The following NKAIN3 variants were observed in gnomAD, a reference collection of about 807,000 sequenced individuals.
NKAIN3 encodes the protein sodium/potassium transporting ATPase interacting 3.
A neutral mutation model predicts 30.2 loss-of-function variants in NKAIN3; 25 were observed. That is an observed-to-expected ratio of 0.83 (90% CI 0.60 to 1.16). NKAIN3 has a LOEUF of 1.16. NKAIN3 is among the 50% of genes most tolerant of loss of function. NKAIN3 has a pLI of 0.00. For synonymous variants in NKAIN3, 91 were observed against 89.6 expected (o/e 1.02, Z -0.09); for missense variants, 225 against 254.1 (o/e 0.89, Z 0.78).
intron 4 of NKAIN3, among the ~76,000 whole-genome samples, chr8:62,814,130 G>A (rs1011143598): frequency 6.6e-6 from 1 of 151,844 alleles, no homozygotes; most frequent in African/African-American, 2.4e-5. Context: ...AACTTCTTTG[G>A]ATTGAATTTA....
At chr8:62,875,207 A>T (rs1485050200) in intron 4 of NKAIN3, among the ~76,000 whole-genome samples, 1 of 152,210 alleles carries the variant, frequency 6.6e-6, no homozygotes, top group East Asian at 1.9e-4. Context: ...CCAAATCATG[A>T]GTGAACTCCC....
intron 1 of NKAIN3, among the ~76,000 whole-genome samples, chr8:62,441,038 G>GT (rs1488559865): frequency 5.3e-5 from 8 of 151,810 alleles, no homozygotes; most frequent in Non-Finnish European, 1.0e-4. Context: ...ATTCACCTTG[G>GT]TTTTTTGTTT....
chr8:62,441,027 C>T (rs114906003), intron 1 of NKAIN3, among the ~76,000 whole-genome samples: 1,742 of 152,216 alleles, frequency 0.011, 29 homozygotes, highest in African/African-American at 0.04. Flanking sequence ...ACTTAATCAA[C>T]ATTCACCTTG....
chr8:62,780,514 G>C (rs1302470742), intron 4 of NKAIN3, among the ~76,000 whole-genome samples: 2 of 152,048 alleles, frequency 1.3e-5, no homozygotes, highest in African/African-American at 4.8e-5. Flanking sequence ...TATCACTGAT[G>C]AACATAGATG....
At chr8:62,779,538 C>T (rs926093213) in intron 4 of NKAIN3, among the ~76,000 whole-genome samples, 2 of 151,918 alleles carry the variant, frequency 1.3e-5, no homozygotes, top group Non-Finnish European at 2.9e-5. Context: ...CTCCCTGTCC[C>T]AATCCCACAT....
intron 1 of NKAIN3, among the ~76,000 whole-genome samples, chr8:62,312,811 T>C (rs1432347599): frequency 7.7e-6 from 1 of 130,496 alleles, no homozygotes; most frequent in Admixed American, 8.0e-5. Flanking sequence ...GGTGACAGAG[T>C]GAACCTTGTC....
chr8:62,863,949 C>CGGTGGG, intron 4 of NKAIN3: 2 of 927,240 alleles, frequency 2.2e-6, no homozygotes, highest in South Asian at 2.6e-5. Context: ...CCAAAGGTGG[C>CGGTGGG]GGTGGTGGTG....
chr8:62,368,693 C>G (rs1396839191), intron 1 of NKAIN3, among the ~76,000 whole-genome samples: 3 of 152,166 alleles, frequency 2.0e-5, no homozygotes, highest in African/African-American at 7.2e-5. Context: ...GTCTTGTGGA[C>G]ATCTGCCTAT....
rs548533123 is a variant in NKAIN3, at chr8:62,863,305, G to T, written c.472-55148G>T. 18 of 1,549,322 alleles carry T rather than the reference G, an allele frequency of 1.2e-5. No individual in the cohort carries two copies. In the South Asian group the frequency reaches 2.0e-4, roughly 17 times the overall value. ...CTGCTGTGGAGCCGTACTCACTGCA[G>T]ACCCTGAAGGAGGAGGAATACCTGC... On this transcript the variant is annotated intron_variant, in intron 4 of 6. Transcript: ENST00000623646.
At chr8:62,734,204 G>T (rs1815574715) in intron 3 of NKAIN3, among the ~76,000 whole-genome samples, 1 of 152,158 alleles carries the variant, frequency 6.6e-6, no homozygotes, top group African/African-American at 2.4e-5. Flanking sequence ...GATCACCTGA[G>T]CCCAGGAGGT....
chr8:62,259,328 G>T (rs1812358139), intron 1 of NKAIN3, among the ~76,000 whole-genome samples: 1 of 152,054 alleles, frequency 6.6e-6, no homozygotes, highest in Non-Finnish European at 1.5e-5. Flanking sequence ...TTTCCAATTA[G>T]TGGATGCTTT....
At chr8:62,871,024 A>C (rs1317851178) in intron 4 of NKAIN3, among the ~76,000 whole-genome samples, 1 of 152,056 alleles carries the variant, frequency 6.6e-6, no homozygotes, top group Non-Finnish European at 1.5e-5. Flanking sequence ...AACATTGACA[A>C]ACAAAAATTG....
Position 62,858,112 on chromosome 8 carries a change from C to T in NKAIN3, c.472-60341C>T, listed in dbSNP as rs1317815881. 2.6e-5 allele frequency among the ~76,000 whole-genome samples: 4 copies of T among 152,176 alleles called. No homozygotes were observed. In the East Asian group the frequency reaches 7.7e-4, roughly 29 times the overall value. On this transcript the variant is annotated intron_variant, in intron 4 of 6. Transcript: ENST00000623646. ...ACAGTCTGATGGCTGTTGCATAGGGCTGCTGTGGTTTGCTGGGAGTCTGCT... is the reference window on the plus strand; with the variant it reads ...ACAGTCTGATGGCTGTTGCATAGGGTTGCTGTGGTTTGCTGGGAGTCTGCT...
intron 1 of NKAIN3, among the ~76,000 whole-genome samples, chr8:62,369,052 A>T (rs993898419): frequency 1.4e-4 from 21 of 152,068 alleles, no homozygotes; most frequent in African/African-American, 4.8e-4. Context: ...TGCACTCTTC[A>T]TTTCCATGAG....
chr8:62,882,226 C>G (rs1821005098), intron 4 of NKAIN3, among the ~76,000 whole-genome samples: 1 of 152,144 alleles, frequency 6.6e-6, no homozygotes, highest in Non-Finnish European at 1.5e-5. Flanking sequence ...GAAACTGTCT[C>G]AGAGCAGAAC....
chr8:62,973,994 T>C lies in NKAIN3; in HGVS notation c.*8587T>C, dbSNP rs1823890742. 6.6e-6 allele frequency among the ~76,000 whole-genome samples: 1 copy of C among 152,240 alleles called. No individual in the cohort carries two copies. Among genetic ancestry groups the C allele is most frequent in the Admixed American group, 6.5e-5 (1 of 15,286 alleles). ...GGTTGTAGATGTGTGGTGTTATTTC[T>C]GAGGCCTCTGTTCTGTTGCATTGGT... On this transcript the variant is annotated 3_prime_UTR_variant, in exon 7 of 7. Transcript: ENST00000623646.
intron 3 of NKAIN3, among the ~76,000 whole-genome samples, chr8:62,670,879 GCACACACACACACACA>G (rs57917158): frequency 2.5e-4 from 36 of 142,088 alleles, no homozygotes; most frequent in African/African-American, 8.2e-4. Flanking sequence ...ACACATACAA[GCACACACACACACACA>G]CACACACACA....
chr8:62,965,649 T>C lies in NKAIN3; in HGVS notation c.*242T>C. 2 of 967,536 alleles carry C rather than the reference T, an allele frequency of 2.1e-6. No individual in the cohort carries two copies. The highest frequency in any genetic ancestry group is 2.5e-6 in the Non-Finnish European group (2 of 815,166). 59.9% of individuals were successfully genotyped at this position (967,536 alleles called of 1,614,324 possible). A position where few individuals can be genotyped will look rare whatever the true frequency, so the allele number is the denominator to read the frequency against. On this transcript the variant is annotated 3_prime_UTR_variant, in exon 7 of 7. Coordinates refer to ENST00000623646, the MANE Select transcript of NKAIN3 (RefSeq NM_001304533.3). Reference sequence around the variant, plus strand: ...AAAAAAAAAAAAAGAAAAAACAGAATTTGGTTTTAAATTTTTAACAATATT... The same window carrying C: ...AAAAAAAAAAAAAGAAAAAACAGAACTTGGTTTTAAATTTTTAACAATATT...
intron 4 of NKAIN3, among the ~76,000 whole-genome samples, chr8:62,799,922 C>T (rs1817999388): frequency 2.0e-5 from 3 of 152,016 alleles, no homozygotes; most frequent in Admixed American, 2.0e-4. Flanking sequence ...GAATTGGAGG[C>T]TATTATTCTA....
Sources: gnomAD v4.1 joint callset for allele counts (sites outside exome capture counted in the v4.1 genomes callset) on GRCh38, gnomAD v4.1.1 for gene constraint, MANE v1.5 for transcripts, NCBI Gene and HGNC (gene_info 2026-07-23, HGNC 2026-07-21) for gene names.